Variants in SHANK2 observed in about 807,000 individuals in gnomAD.
SHANK2 encodes SH3 and multiple ankyrin repeat domains protein 2.
SHANK2 carries 43 observed loss-of-function variants against 133.7 expected under a neutral mutation model. The observed-to-expected ratio is 0.32, with a 90% CI of 0.25 to 0.41. The LOEUF (loss-of-function observed/expected upper bound fraction) is 0.41. Ranked by LOEUF, SHANK2 falls within the 10% of genes least tolerant of loss-of-function variation. The pLI, the probability that SHANK2 is intolerant of heterozygous loss-of-function variation, is 1.00. For synonymous variants in SHANK2, 1,017 were observed against 952.8 expected, an observed-to-expected ratio of 1.07 and a Z score of -1.24; for missense variants, 1,994 against 2,235.8, an observed-to-expected ratio of 0.89 and a Z score of 2.18.
chr11:70,849,319 C>A (rs1565359583), intron 11 of SHANK2, among the ~76,000 whole-genome samples: 1 of 152,166 alleles, frequency 6.6e-6, no homozygotes, highest in Admixed American at 6.5e-5. Flanking sequence ...ATGCCAATGG[C>A]TGGTCTAAAA....
chr11:70,728,170 G>T (rs1202101784), intron 14 of SHANK2, among the ~76,000 whole-genome samples: 3 of 152,134 alleles, frequency 2.0e-5, no homozygotes, highest in Non-Finnish European at 2.9e-5. Flanking sequence ...GGGTTAAACC[G>T]ACTCCCAAAG....
intron 14 of SHANK2, among the ~76,000 whole-genome samples, chr11:70,719,352 A>C (rs892434110): frequency 2.6e-5 from 4 of 152,176 alleles, no homozygotes; most frequent in Non-Finnish European, 4.4e-5. Flanking sequence ...CGCTGTGCCC[A>C]CCCACTATCC....
In SHANK2 at chr11:71,060,553, T is replaced by G. The variant is rs1360874356; in HGVS notation, c.1030-3995A>C. 3.3e-5 allele frequency among the ~76,000 whole-genome samples: 5 copies of G among 152,360 alleles called. No homozygotes were observed. In the East Asian group the frequency reaches 7.7e-4, roughly 24 times the overall value. ...AGCCCAGCAGGTTTCACAGAAGATGTTCACCCACTCCTGGGGAGCAGGAAG... is the reference window on the plus strand; with the variant it reads ...AGCCCAGCAGGTTTCACAGAAGATGGTCACCCACTCCTGGGGAGCAGGAAG... On this transcript the variant is annotated intron_variant, in intron 9 of 25. Coordinates refer to ENST00000601538, the MANE Select transcript of SHANK2 (RefSeq NM_012309.5).
intron 25 of SHANK2, chr11:70,474,106 C>T (rs1231474246): frequency 2.3e-5 from 4 of 170,622 alleles, no homozygotes; most frequent in African/African-American, 4.7e-5. Context: ...GACAGCAGGG[C>T]GTGGCTTGTG....
intron 2 of SHANK2, among the ~76,000 whole-genome samples, chr11:71,208,650 A>G (rs1954183636): frequency 6.6e-6 from 1 of 152,098 alleles, no homozygotes; most frequent in African/African-American, 2.4e-5. Context: ...TCTCTGGAAT[A>G]CGAAACACTG....
At chr11:70,869,450 A>AG (rs1310476139) in intron 11 of SHANK2, among the ~76,000 whole-genome samples, 5 of 152,224 alleles carry the variant, frequency 3.3e-5, no homozygotes, top group Non-Finnish European at 7.3e-5. Flanking sequence ...ATCCCATACC[A>AG]GAGTGATTAA....
At chr11:70,531,478 G>A (rs1554973208) in intron 17 of SHANK2, among the ~76,000 whole-genome samples, 2 of 152,212 alleles carry the variant, frequency 1.3e-5, no homozygotes, top group African/African-American at 4.8e-5. Flanking sequence ...CCTCGCGGGT[G>A]GACGACTGTT....
chr11:71,138,813 GAAAAAGA>G (rs1952497882), intron 3 of SHANK2, among the ~76,000 whole-genome samples: 7,755 of 142,796 alleles, frequency 0.054, 478 homozygotes, highest in African/African-American at 0.16. Context: ...AAAAAGAAAA[GAAAAAGA>G]AAAAGAAAAA....
At chr11:70,812,649 C>T (rs975257243) in intron 12 of SHANK2, among the ~76,000 whole-genome samples, 8 of 152,216 alleles carry the variant, frequency 5.3e-5, no homozygotes, top group Non-Finnish European at 1.0e-4. Flanking sequence ...CCCACAGCAG[C>T]CATAGTCAGC....
intron 17 of SHANK2, among the ~76,000 whole-genome samples, chr11:70,597,886 A>T (rs1187885761): frequency 6.6e-6 from 1 of 152,146 alleles, no homozygotes; most frequent in Admixed American, 6.5e-5. Flanking sequence ...ACAACCAACC[A>T]ACCAACCAAC....
At position 70,933,774 on chromosome 11, in the gene SHANK2, G is replaced by A. The variant is rs191382539; in HGVS notation, c.1108-37207C>T. Among the ~76,000 whole-genome samples the A allele has an allele frequency of 5.7e-4, 87 of 152,076 alleles. 1 individual carries two copies. The highest frequency in any genetic ancestry group is 2.0e-3 in the African/African-American group (83 of 41,488). On this transcript the variant is annotated intron_variant, in intron 10 of 25. Coordinates refer to ENST00000601538, the MANE Select transcript of SHANK2 (RefSeq NM_012309.5). ...GTCTCTACTAAAAATACAAAAGTTA[G>A]CTGGGCATGGTGGCGCACACCTATA...
intron 2 of SHANK2, among the ~76,000 whole-genome samples, chr11:71,218,488 C>A (rs1349711395): frequency 1.3e-5 from 2 of 152,020 alleles, no homozygotes; most frequent in Non-Finnish European, 2.9e-5. Flanking sequence ...GTCTCAAACT[C>A]CCGACATCAG....
rs1026749150 is a variant in SHANK2, at chr11:71,073,450, G to A, written c.1029+1709C>T. Among the ~76,000 whole-genome samples the A allele has an allele frequency of 5.7e-3, 861 of 151,586 alleles. 4 individuals carry two copies. Among genetic ancestry groups the A allele is most frequent in the South Asian group, 0.012 (58 of 4,784 alleles). On this transcript the variant is annotated intron_variant, in intron 9 of 25. Coordinates refer to ENST00000601538, the MANE Select transcript of SHANK2 (RefSeq NM_012309.5). Reference sequence around the variant, plus strand: ...TGGGCTTACAGGAGTGAGCCACCGCGCCTGGCCAGGCTTGCTTTTTTAATT... The same window carrying A: ...TGGGCTTACAGGAGTGAGCCACCGCACCTGGCCAGGCTTGCTTTTTTAATT...
At chr11:70,555,993 A>G (rs1436895982) in intron 17 of SHANK2, among the ~76,000 whole-genome samples, 1 of 152,220 alleles carries the variant, frequency 6.6e-6, no homozygotes, top group Non-Finnish European at 1.5e-5. Context: ...AAGAAGCCAT[A>G]TCCATAAAAT....
chr11:70,512,904 T>C (rs2059221222), intron 17 of SHANK2, among the ~76,000 whole-genome samples: 1 of 152,236 alleles, frequency 6.6e-6, no homozygotes, highest in Non-Finnish European at 1.5e-5. Flanking sequence ...GCTTTATCTG[T>C]ACACTTAATT....
chr11:70,666,883 C>T (rs1383589662), intron 15 of SHANK2, among the ~76,000 whole-genome samples: 7 of 152,102 alleles, frequency 4.6e-5, no homozygotes, highest in Admixed American at 3.9e-4. Context: ...AAATGTAATC[C>T]AGCGGCGCAC....
chr11:70,755,141 G>A (rs942592778), intron 14 of SHANK2, among the ~76,000 whole-genome samples: 4 of 151,170 alleles, frequency 2.6e-5, no homozygotes, highest in African/African-American at 7.3e-5. Flanking sequence ...GCGTGACCTC[G>A]GCTCACTGCA....
intron 17 of SHANK2, among the ~76,000 whole-genome samples, chr11:70,589,178 C>T (rs1054571046): frequency 6.6e-5 from 10 of 152,142 alleles, no homozygotes; most frequent in East Asian, 3.8e-4. Flanking sequence ...GAGGAGAAAT[C>T]GATGTCTGGT....
intron 10 of SHANK2, among the ~76,000 whole-genome samples, chr11:70,938,001 T>C (rs1320498139): frequency 1.3e-5 from 2 of 152,236 alleles, no homozygotes; most frequent in African/African-American, 4.8e-5. Context: ...TCTCCAGTTC[T>C]ATATCACCTT....
Sources: gnomAD v4.1 joint callset for allele counts (sites outside exome capture counted in the v4.1 genomes callset) on GRCh38, gnomAD v4.1.1 for gene constraint, MANE v1.5 for transcripts, NCBI Gene and HGNC (gene_info 2026-07-23, HGNC 2026-07-21) for gene names.